WDR7: variants seen among roughly 807,000 people sequenced by gnomAD.
WDR7 encodes the protein WD repeat-containing protein 7.
In WDR7, 46 loss-of-function variants were observed where a neutral mutation model predicts 169.4. The ratio of observed to expected loss-of-function variants is 0.27; its 90% CI spans 0.21 to 0.35. WDR7 has a LOEUF of 0.35. Among genes scored for constraint, WDR7 ranks in the 10% least tolerant of loss-of-function variants. WDR7 has a pLI of 1.00. For synonymous variants in WDR7, 612 were observed against 666.8 expected (o/e 0.92, Z 1.27); for missense variants, 1,534 against 1,859.3 (o/e 0.83, Z 3.22).
chr18:56,967,797 G>A (rs1389508375), intron 26 of WDR7, among the ~76,000 whole-genome samples: 1 of 152,078 alleles, frequency 6.6e-6, no homozygotes, highest in Non-Finnish European at 1.5e-5. Flanking sequence ...AAATGGTGAG[G>A]CATTTACATT....
At chr18:56,934,560 G>A (rs1301450963) in intron 22 of WDR7, among the ~76,000 whole-genome samples, 2 of 151,896 alleles carry the variant, frequency 1.3e-5, no homozygotes, top group Non-Finnish European at 2.9e-5. Context: ...TCTACCCTCC[G>A]TATGGGAAAA....
At chr18:56,719,421 G>A (rs189361493) in intron 13 of WDR7, among the ~76,000 whole-genome samples, 29 of 152,140 alleles carry the variant, frequency 1.9e-4, no homozygotes, top group Admixed American at 5.2e-4. Context: ...AATTAGCCGG[G>A]CATGTTGGCG....
chr18:56,826,629 G>C (rs1463344925), intron 20 of WDR7, among the ~76,000 whole-genome samples: 3 of 152,182 alleles, frequency 2.0e-5, no homozygotes, highest in Non-Finnish European at 2.9e-5. Flanking sequence ...ATACTAGAAA[G>C]AGGAGTCCTC....
intron 20 of WDR7, among the ~76,000 whole-genome samples, chr18:56,857,591 A>G (rs1362427811): frequency 6.6e-6 from 1 of 152,086 alleles, no homozygotes; most frequent in Non-Finnish European, 1.5e-5. Flanking sequence ...GCCTATGCAT[A>G]CATATATACA....
intron 25 of WDR7, among the ~76,000 whole-genome samples, chr18:56,960,808 G>A (rs1261506209): frequency 6.6e-6 from 1 of 152,094 alleles, no homozygotes; most frequent in African/African-American, 2.4e-5. Flanking sequence ...AAAACTTTGA[G>A]AAACTAGCTT....
chr18:56,754,372 C>CATATATAT (rs2043847183), intron 14 of WDR7, among the ~76,000 whole-genome samples: 4 of 145,122 alleles, frequency 2.8e-5, no homozygotes, highest in African/African-American at 1.0e-4. Context: ...TATATATACA[C>CATATATAT]GTATATATGT....
intron 26 of WDR7, among the ~76,000 whole-genome samples, chr18:57,020,365 A>G (rs755870309): frequency 2.0e-5 from 3 of 152,232 alleles, no homozygotes; most frequent in Non-Finnish European, 4.4e-5. Flanking sequence ...TTTATTTCAG[A>G]TGAGCAAAGT....
chr18:56,765,747 C>T (rs187297989), intron 16 of WDR7, among the ~76,000 whole-genome samples: 2 of 152,092 alleles, frequency 1.3e-5, no homozygotes, highest in Non-Finnish European at 2.9e-5. Context: ...ATTCTTCTAA[C>T]AAAAGGACTT....
At chr18:56,815,527 C>T (rs1255788963) in intron 19 of WDR7, among the ~76,000 whole-genome samples, 1 of 152,104 alleles carries the variant, frequency 6.6e-6, no homozygotes, top group Admixed American at 6.5e-5. Flanking sequence ...ATATCGAATT[C>T]CTTCATAGAG....
intron 1 of WDR7, among the ~76,000 whole-genome samples, chr18:56,656,434 C>A (rs1322152010): frequency 6.6e-6 from 1 of 151,858 alleles, no homozygotes; most frequent in Non-Finnish European, 1.5e-5. Context: ...CGCATGCCAC[C>A]ACACCTAGTT....
chr18:56,825,523 G>A (rs1010912823), intron 20 of WDR7, among the ~76,000 whole-genome samples: 2 of 152,100 alleles, frequency 1.3e-5, no homozygotes, highest in Non-Finnish European at 1.5e-5. Flanking sequence ...GCACAGAATG[G>A]TAAAGTTACT....
chr18:56,864,998 A>C (rs1052278873), intron 20 of WDR7, among the ~76,000 whole-genome samples: 1 of 151,984 alleles, frequency 6.6e-6, no homozygotes, highest in Non-Finnish European at 1.5e-5. Context: ...CATTACATTG[A>C]TATCCTTTTT....
chr18:56,705,277 A>G (rs745517484), intron 12 of WDR7, among the ~76,000 whole-genome samples: 41 of 152,138 alleles, frequency 2.7e-4, no homozygotes, highest in Non-Finnish European at 5.4e-4. Context: ...ACTTTCTAGA[A>G]CCAGAGATAG....
intron 26 of WDR7, among the ~76,000 whole-genome samples, chr18:56,984,247 AAAT>A (rs1401340069): frequency 1.3e-5 from 2 of 152,198 alleles, no homozygotes; most frequent in Non-Finnish European, 2.9e-5. Flanking sequence ...TTCTCTTGAG[AAAT>A]AATAAATCAA....
At chr18:56,768,976 A>G (rs2044110811) in intron 16 of WDR7, among the ~76,000 whole-genome samples, 1 of 152,236 alleles carries the variant, frequency 6.6e-6, no homozygotes, top group South Asian at 2.1e-4. Context: ...TTCATTGGAA[A>G]ATAGTATCTT....
chr18:56,839,601 A>G (rs892532308), intron 20 of WDR7, among the ~76,000 whole-genome samples: 1 of 152,246 alleles, frequency 6.6e-6, no homozygotes, highest in Non-Finnish European at 1.5e-5. Context: ...CTTCTGTACC[A>G]GAAAATCTCA....
At chr18:56,780,824 G>A (rs950482953) in intron 18 of WDR7, among the ~76,000 whole-genome samples, 1 of 152,186 alleles carries the variant, frequency 6.6e-6, no homozygotes, top group Non-Finnish European at 1.5e-5. Flanking sequence ...AATTGGTACA[G>A]CACTTAATAA....
chr18:56,761,117 C>T (rs924033740), intron 16 of WDR7, among the ~76,000 whole-genome samples: 2 of 152,048 alleles, frequency 1.3e-5, no homozygotes, highest in African/African-American at 4.8e-5. Context: ...TCAAGCAATC[C>T]TCCCACCTCT....
rs534745579 is a variant in WDR7, at chr18:57,001,507, A to G, written c.4165-19238A>G. On this transcript the variant is annotated intron_variant, in intron 26 of 27. Transcript: ENST00000254442. ...AAAAGCTCCAACTCACTCTTTCCTG[A>G]TGTATCTATTTTTCTGTGCATGTGG... 4.6e-5 allele frequency among the ~76,000 whole-genome samples: 7 copies of G among 152,270 alleles called. No homozygotes were observed. In the South Asian group the frequency reaches 1.5e-3, roughly 32 times the overall value.
Sources: gnomAD v4.1 joint callset for allele counts (sites outside exome capture counted in the v4.1 genomes callset) on GRCh38, gnomAD v4.1.1 for gene constraint, MANE v1.5 for transcripts, NCBI Gene and HGNC (gene_info 2026-07-23, HGNC 2026-07-21) for gene names.